The following NECTIN3 variants were observed in gnomAD, a reference collection of about 807,000 sequenced individuals.
The protein encoded by NECTIN3 is nectin cell adhesion molecule 3.
In NECTIN3, 8 loss-of-function variants were observed where a neutral mutation model predicts 49.4. The observed-to-expected ratio is 0.16, with a 90% CI of 0.10 to 0.29. The LOEUF (loss-of-function observed/expected upper bound fraction) is 0.29. Among genes scored for constraint, NECTIN3 ranks in the 10% least tolerant of loss-of-function variants. The pLI is 1.00. For synonymous variants in NECTIN3, 277 were observed against 241.1 expected (o/e 1.15, Z -1.38); for missense variants, 581 against 654.6 (o/e 0.89, Z 1.23).
intron 1 of NECTIN3, among the ~76,000 whole-genome samples, chr3:111,103,394 T>TAG (rs1184267312): frequency 3.4e-4 from 51 of 152,124 alleles, no homozygotes; most frequent in African/African-American, 1.0e-3. Flanking sequence ...GCTATGTAAA[T>TAG]TTGTGTTTTT....
intron 1 of NECTIN3, among the ~76,000 whole-genome samples, chr3:111,101,686 A>C (rs568566914): frequency 6.6e-6 from 1 of 152,310 alleles, no homozygotes; most frequent in African/African-American, 2.4e-5. Context: ...GAAATTGAGT[A>C]CTTGAAATAT....
At chr3:111,122,520 C>A (rs933079981) in intron 4 of NECTIN3, among the ~76,000 whole-genome samples, 1 of 152,056 alleles carries the variant, frequency 6.6e-6, no homozygotes, top group Non-Finnish European at 1.5e-5. Flanking sequence ...CAATTGACTT[C>A]TTAGATAAAT....
chr3:111,117,925 G>A (rs796901678), intron 2 of NECTIN3, among the ~76,000 whole-genome samples: 7 of 152,074 alleles, frequency 4.6e-5, no homozygotes, highest in African/African-American at 1.7e-4. Context: ...AAAATAGGTG[G>A]TATGTACATT....
chr3:111,158,621 A>G (rs905972518), intron 7 of NECTIN3, among the ~76,000 whole-genome samples: 1 of 152,158 alleles, frequency 6.6e-6, no homozygotes, highest in Non-Finnish European at 1.5e-5. Flanking sequence ...TAATTTTACT[A>G]TGGTTATTTC....
intron 2 of NECTIN3, among the ~76,000 whole-genome samples, chr3:111,116,190 T>C (rs935395351): frequency 4.6e-5 from 7 of 151,938 alleles, no homozygotes; most frequent in African/African-American, 1.4e-4. Context: ...TTAGAAAAAA[T>C]AGGAAGAGCT....
intron 2 of NECTIN3, among the ~76,000 whole-genome samples, chr3:111,118,125 T>G (rs1212706442): frequency 6.6e-6 from 1 of 151,518 alleles, no homozygotes; most frequent in Non-Finnish European, 1.5e-5. Context: ...AAGAAAAACA[T>G]TTCATCTCCA....
chr3:111,110,459 C>A (rs1280260823), intron 1 of NECTIN3, among the ~76,000 whole-genome samples: 1 of 151,882 alleles, frequency 6.6e-6, no homozygotes, highest in East Asian at 1.9e-4. Flanking sequence ...CTAAAAATAT[C>A]CTTTTGTTCT....
chr3:111,087,350 TA>T (rs976505611), intron 1 of NECTIN3, among the ~76,000 whole-genome samples: 1 of 151,854 alleles, frequency 6.6e-6, no homozygotes, highest in African/African-American at 2.4e-5. Context: ...TTGTAGCATT[TA>T]AAAAAAATAG....
intron 6 of NECTIN3, chr3:111,147,348 C>CTT (rs565492723): frequency 4.7e-4 from 481 of 1,016,012 alleles, no homozygotes; most frequent in South Asian, 9.6e-4. Context: ...TTTTCTTTTG[C>CTT]TTTTTTTTTT....
chr3:111,157,616 T>C (rs977164366), intron 7 of NECTIN3, among the ~76,000 whole-genome samples: 2 of 152,146 alleles, frequency 1.3e-5, no homozygotes, highest in Non-Finnish European at 2.9e-5. Flanking sequence ...GTAAAGATGA[T>C]GTTTCCAATA....
At chr3:111,159,488 T>TA (rs1456147642) in intron 7 of NECTIN3, among the ~76,000 whole-genome samples, 1 of 152,168 alleles carries the variant, frequency 6.6e-6, no homozygotes, top group African/African-American at 2.4e-5. Context: ...TTTTGTTTGT[T>TA]TTTTATTTTA....
chr3:111,104,307 T>C (rs1423803785), intron 1 of NECTIN3, among the ~76,000 whole-genome samples: 2 of 150,314 alleles, frequency 1.3e-5, no homozygotes, highest in Non-Finnish European at 3.0e-5. Flanking sequence ...TGATGTCTGT[T>C]CAGATCTTTT....
chr3:111,147,600 G>A, intron 7 of NECTIN3: 4 of 878,432 alleles, frequency 4.6e-6, no homozygotes, highest in Non-Finnish European at 5.1e-6. Flanking sequence ...GTGTTGTTTA[G>A]TCATTATGCA....
intron 1 of NECTIN3, among the ~76,000 whole-genome samples, chr3:111,080,772 C>G (rs909331604): frequency 6.6e-6 from 1 of 151,572 alleles, no homozygotes; most frequent in South Asian, 2.1e-4. Context: ...AAGGATACCA[C>G]GGTGGAATGA....
rs1576053806 is a variant in NECTIN3 at position 111,071,854 on chromosome 3, A to T, written c.-164A>T. 2.4e-6 allele frequency: 1 copy of T among 423,364 alleles called. No individual in the cohort carries two copies. Among genetic ancestry groups the T allele is most frequent in the East Asian group, 4.0e-5 (1 of 25,314 alleles). 26.2% of individuals were successfully genotyped at this position (423,364 alleles called of 1,614,324 possible). On this transcript the variant is annotated 5_prime_UTR_variant, in exon 1 of 6. Coordinates refer to ENST00000485303, the MANE Select transcript of NECTIN3 (RefSeq NM_015480.3). ...GCGTCGGCGACGGCGGTGTCGAGGC[A>T]GCCGCCAGCGTTCGGCCAAGTGTCA...
downstream of NECTIN3, among the ~76,000 whole-genome samples, chr3:111,140,823 G>T (rs960899060): frequency 1.5e-4 from 23 of 151,936 alleles, no homozygotes; most frequent in Admixed American, 1.5e-3. Flanking sequence ...GCTCTGTGTG[G>T]CAGGAAAACA....
intron 5 of NECTIN3, among the ~76,000 whole-genome samples, chr3:111,143,437 T>G (rs1161028983): frequency 6.6e-6 from 1 of 151,920 alleles, no homozygotes; most frequent in Non-Finnish European, 1.5e-5. Context: ...AAACTTAGGA[T>G]TGTTAGTATT....
intron 5 of NECTIN3, 88 bp downstream of exon 5, chr3:111,126,423 C>A: frequency 8.8e-7 from 1 of 1,135,026 alleles, no homozygotes; most frequent in Non-Finnish European, 1.3e-6. Flanking sequence ...ATAATTTGTA[C>A]TTGTAAAGAT....
chr3:111,175,246 A>G (rs1331460235), intron 7 of NECTIN3, among the ~76,000 whole-genome samples: 2 of 151,416 alleles, frequency 1.3e-5, no homozygotes, highest in African/African-American at 2.4e-5. Context: ...TTTGGTTTAT[A>G]TGGGTACAGG....
Sources: allele counts gnomAD v4.1 joint callset (sites outside exome capture counted in the v4.1 genomes callset), GRCh38; gene constraint gnomAD v4.1.1; transcripts MANE v1.5; gene names NCBI Gene and HGNC (gene_info 2026-07-23, HGNC 2026-07-21).